The following NRG1 variants were observed in gnomAD, a reference collection of about 807,000 sequenced individuals.
NRG1 encodes the protein pro-neuregulin-1, membrane-bound isoform.
NRG1 carries 18 observed loss-of-function variants against 63.8 expected under a neutral mutation model. That is an observed-to-expected ratio of 0.28 (90% CI 0.19 to 0.42). The LOEUF (loss-of-function observed/expected upper bound fraction) is 0.42. Among genes scored for constraint, NRG1 ranks in the 10% least tolerant of loss-of-function variants. NRG1 has a pLI of 1.00. For synonymous variants in NRG1, 302 were observed against 301.3 expected, an observed-to-expected ratio of 1.00 and a Z score of -0.02; for missense variants, 762 against 814.7, an observed-to-expected ratio of 0.94 and a Z score of 0.79.
chr8:32,620,600 A>G (rs1848168103), intron 5 of NRG1, among the ~76,000 whole-genome samples: 1 of 151,618 alleles, frequency 6.6e-6, no homozygotes, highest in South Asian at 2.1e-4. Context: ...AAGAGGGAGG[A>G]TAGCTTGACA....
intron 5 of NRG1, among the ~76,000 whole-genome samples, chr8:32,655,290 A>G (rs1204131702): frequency 6.6e-6 from 1 of 152,192 alleles, no homozygotes; most frequent in Non-Finnish European, 1.5e-5. Context: ...ACATCATGCT[A>G]AAGTAGGAAT....
chr8:32,419,644 CT>C lies in NRG1; in HGVS notation c.38-176177del, dbSNP rs372131645. 1.6e-3 allele frequency among the ~76,000 whole-genome samples: 249 copies of C among 152,252 alleles called. 4 individuals are homozygous for C. The South Asian group carries it at 0.032, about 20-fold the overall frequency. ...TCTATTTGAATTATTTAAAACCATT[CT>C]TTTTTTGTTAATAGATTTTAATTCT... On this transcript the variant is annotated intron_variant, in intron 1 of 10. Transcript: ENST00000519301.
chr8:32,365,777 T>A (rs1807890053), intron 1 of NRG1, among the ~76,000 whole-genome samples: 1 of 152,156 alleles, frequency 6.6e-6, no homozygotes, highest in Non-Finnish European at 1.5e-5. Flanking sequence ...AGCAGGAGGA[T>A]TTGACCCTCA....
rs535009341 is a variant in NRG1 at position 32,504,899 on chromosome 8, G to T, written c.38-90929G>T. ...ATTGTTTTAGTCAACAGAAATTAAA[G>T]CCAGGTGACTTTTGGGCTGGAAATC... On this transcript the variant is annotated intron_variant, in intron 1 of 10. Transcript: ENST00000519301. Among the ~76,000 whole-genome samples, 87 of 152,260 alleles carry T rather than the reference G, an allele frequency of 5.7e-4. No homozygotes were observed. The South Asian group carries it at 6.2e-3, about 11-fold the overall frequency.
chr8:32,511,367 GTATA>G (rs202038797), intron 1 of NRG1, among the ~76,000 whole-genome samples: 17,416 of 122,050 alleles, frequency 0.14, 1,353 homozygotes, highest in Admixed American at 0.28. Context: ...ATATATATGT[GTATA>G]TATATATATA....
At chr8:32,228,915 C>T (rs188135781) in intron 1 of NRG1, among the ~76,000 whole-genome samples, 30 of 152,140 alleles carry the variant, frequency 2.0e-4, no homozygotes, top group Admixed American at 4.6e-4. Context: ...GAGAATTTCC[C>T]GCCAAAGAAA....
In NRG1 at chr8:32,240,476, T is replaced by C. The variant is rs114076852; in HGVS notation, c.38-355352T>C. ...ATCCTGGTGAGGAAGCTATTCTGTA[T>C]CCTCATTGCTGGTGTTCACGTGAAT... On this transcript the variant is annotated intron_variant, in intron 1 of 10. Transcript: ENST00000519301. 3.3e-3 allele frequency among the ~76,000 whole-genome samples: 502 copies of C among 152,224 alleles called. 3 individuals are homozygous for C. The highest frequency in any genetic ancestry group is 0.012 in the African/African-American group (486 of 41,544).
rs375033161 is a variant in NRG1, at chr8:32,548,846, C to G, written c.100+20C>G. On this transcript the variant is annotated intron_variant, in intron 1 of 11. Transcript: ENST00000356819. Reference sequence around the variant, plus strand: ...GCCCAGGTGGGTGCGCAGCGCGGCCCGGGCCCCACGATCCTCCTCCTGCTC... The same window carrying G: ...GCCCAGGTGGGTGCGCAGCGCGGCCGGGGCCCCACGATCCTCCTCCTGCTC... The G allele has an allele frequency of 1.3e-6, 2 of 1,543,106 alleles. No individual in the cohort carries two copies. The highest frequency in any genetic ancestry group is 2.7e-5 in the African/African-American group (2 of 73,120).
intron 1 of NRG1, among the ~76,000 whole-genome samples, chr8:32,307,500 A>C (rs778094505): frequency 1.3e-5 from 2 of 152,166 alleles, no homozygotes; most frequent in African/African-American, 4.8e-5. Context: ...TTGATTTTAA[A>C]TAAAAATGGT....
At chr8:31,780,571 T>G (rs1489469891) in intron 1 of NRG1, among the ~76,000 whole-genome samples, 2 of 152,222 alleles carry the variant, frequency 1.3e-5, no homozygotes, top group African/African-American at 4.8e-5. Context: ...TCGAATCCAA[T>G]TTTTCTATTG....
intron 5 of NRG1, among the ~76,000 whole-genome samples, chr8:32,678,115 T>G (rs1807661074): frequency 6.6e-6 from 1 of 152,226 alleles, no homozygotes; most frequent in Non-Finnish European, 1.5e-5. Flanking sequence ...GCATATTAAC[T>G]CTTTCCTGGG....
At chr8:32,031,729 G>C (rs146410416) in intron 1 of NRG1, among the ~76,000 whole-genome samples, 1,556 of 152,180 alleles carry the variant, frequency 0.01, 28 homozygotes, top group African/African-American at 0.036. Flanking sequence ...TTCTGTTCCT[G>C]CATTAGTTTG....
chr8:31,814,575 G>A (rs1823254308), intron 1 of NRG1, among the ~76,000 whole-genome samples: 1 of 151,896 alleles, frequency 6.6e-6, no homozygotes, highest in South Asian at 2.1e-4. Context: ...CATTGTGATT[G>A]TTCACTGGGA....
intron 1 of NRG1, among the ~76,000 whole-genome samples, chr8:32,055,054 A>AT (rs1250538987): frequency 5.3e-5 from 8 of 150,830 alleles, no homozygotes; most frequent in Non-Finnish European, 1.2e-4. Flanking sequence ...TGCCTGGCTA[A>AT]TTTTTTTGTA....
chr8:31,774,022 A>G (rs993464603), intron 1 of NRG1, among the ~76,000 whole-genome samples: 10 of 152,104 alleles, frequency 6.6e-5, no homozygotes, highest in Non-Finnish European at 2.9e-5. Context: ...ATTAAAAAAA[A>G]AAAGAAAAAG....
chr8:31,797,042 A>AT (rs1332171655), intron 1 of NRG1, among the ~76,000 whole-genome samples: 1 of 152,198 alleles, frequency 6.6e-6, no homozygotes, highest in East Asian at 1.9e-4. Flanking sequence ...TCTGAGCAGA[A>AT]TAAAAAAAAG....
chr8:31,885,480 G>A (rs1347770934), intron 1 of NRG1, among the ~76,000 whole-genome samples: 3 of 152,094 alleles, frequency 2.0e-5, no homozygotes, highest in South Asian at 2.1e-4. Flanking sequence ...GTATTATAAA[G>A]AGTTGACTAA....
chr8:31,857,061 T>G (rs551504309), intron 1 of NRG1, among the ~76,000 whole-genome samples: 1 of 152,338 alleles, frequency 6.6e-6, no homozygotes, highest in East Asian at 1.9e-4. Flanking sequence ...AACTGCTGTC[T>G]TTTTGTTTGT....
intron 1 of NRG1, among the ~76,000 whole-genome samples, chr8:32,430,503 G>A (rs954737521): frequency 6.6e-6 from 1 of 152,154 alleles, no homozygotes; most frequent in Non-Finnish European, 1.5e-5. Flanking sequence ...CGTGTGGAGA[G>A]TCTGATATCC....
Sources: allele counts gnomAD v4.1 joint callset (sites outside exome capture counted in the v4.1 genomes callset), GRCh38; gene constraint gnomAD v4.1.1; transcripts MANE v1.5; gene names NCBI Gene and HGNC (gene_info 2026-07-23, HGNC 2026-07-21).